GPHN: variants seen among roughly 807,000 people sequenced by gnomAD.
GPHN encodes gephyrin.
A neutral mutation model predicts 95.5 loss-of-function variants in GPHN; 17 were observed. The ratio of observed to expected loss-of-function variants is 0.18; its 90% confidence interval spans 0.12 to 0.27. GPHN has a LOEUF of 0.27. Ranked by LOEUF, GPHN falls within the 10% of genes least tolerant of loss-of-function variation. GPHN has a pLI of 1.00. For missense variants in GPHN, 660 were observed against 978.1 expected, an observed-to-expected ratio of 0.67 and a Z score of 4.34; for synonymous variants, 320 against 322.5, an observed-to-expected ratio of 0.99 and a Z score of 0.08.
the GPHN span, among the ~76,000 whole-genome samples, chr14:67,610,067 AG>A: frequency 6.6e-6 from 1 of 152,136 alleles, no homozygotes; most frequent in African/African-American, 2.4e-5. Context: ...GCTTCTCCCC[AG>A]GGCTGCCTCC....
At chr14:67,367,353 C>G in the GPHN span, among the ~76,000 whole-genome samples, 1 of 152,180 alleles carries the variant, frequency 6.6e-6, no homozygotes, top group Non-Finnish European at 1.5e-5. Flanking sequence ...GTCTCAGCCT[C>G]CAGAGTAGCT....
the GPHN span, chr14:67,292,789 A>C: frequency 8.5e-7 from 1 of 1,171,262 alleles, no homozygotes; most frequent in Non-Finnish European, 1.3e-6. Context: ...GGATTATTGG[A>C]AAATACTAAT....
the GPHN span, among the ~76,000 whole-genome samples, chr14:67,597,289 G>A: frequency 6.6e-6 from 1 of 152,184 alleles, no homozygotes; most frequent in Admixed American, 6.5e-5. Flanking sequence ...ACCAGCCTGG[G>A]CAACCTAGTG....
At chr14:66,616,543 G>A (rs2063044606) in intron 1 of GPHN, among the ~76,000 whole-genome samples, 1 of 151,974 alleles carries the variant, frequency 6.6e-6, no homozygotes, top group Admixed American at 6.5e-5. Context: ...CGTGCCTGGA[G>A]ATGTCACTCA....
intron 2 of GPHN, among the ~76,000 whole-genome samples, chr14:66,738,456 G>A (rs2072489362): frequency 6.6e-6 from 1 of 152,056 alleles, no homozygotes; most frequent in Non-Finnish European, 1.5e-5. Context: ...ATACCCATAA[G>A]TATTTTAGAC....
chr14:66,655,963 A>G (rs917931873), intron 1 of GPHN, among the ~76,000 whole-genome samples: 41 of 152,266 alleles, frequency 2.7e-4, no homozygotes, highest in Non-Finnish European at 1.9e-4. Flanking sequence ...GTCACGATAT[A>G]TAGTTCTTTT....
the GPHN span, among the ~76,000 whole-genome samples, chr14:67,598,469 T>C: frequency 2.6e-5 from 4 of 152,280 alleles, no homozygotes; most frequent in Admixed American, 2.0e-4. Flanking sequence ...CTTTGAGACT[T>C]TGGATAAGTC....
chr14:67,474,914 C>CTTTTTT, the GPHN span, among the ~76,000 whole-genome samples: 96 of 124,920 alleles, frequency 7.7e-4, no homozygotes, highest in African/African-American at 2.5e-3. Flanking sequence ...GAATTTCCTT[C>CTTTTTT]TTTTTTTTTT....
chr14:67,732,593 T>C, the GPHN span, among the ~76,000 whole-genome samples: 98 of 152,226 alleles, frequency 6.4e-4, no homozygotes, highest in Middle Eastern at 3.4e-3. Context: ...TTCTTTTTTT[T>C]GAGACGGAGT....
chr14:66,733,238 C>T (rs2071955174), intron 2 of GPHN, among the ~76,000 whole-genome samples: 1 of 151,936 alleles, frequency 6.6e-6, no homozygotes, highest in African/African-American at 2.4e-5. Flanking sequence ...GCCTGCCTCC[C>T]CCTCCACCAT....
the GPHN span, chr14:67,254,165 AGATTTTAAGTGTCTTTCTTTT>A: frequency 6.9e-6 from 1 of 145,124 alleles, no homozygotes; most frequent in Non-Finnish European, 1.5e-5. Context: ...TATCTATACT[AGATTTTAAGTGTCTTTCTTTT>A]TTTTTTTTTT....
chr14:67,308,526 C>G, the GPHN span, among the ~76,000 whole-genome samples: 1 of 149,850 alleles, frequency 6.7e-6, no homozygotes, highest in Non-Finnish European at 1.5e-5. Flanking sequence ...TCAGCACTCT[C>G]CAAATATTTT....
the GPHN span, chr14:67,569,062 T>C: frequency 9.7e-7 from 1 of 1,035,258 alleles, no homozygotes; most frequent in Non-Finnish European, 1.5e-6. Flanking sequence ...AAGCCATGCT[T>C]TTTCCTGCAC....
chr14:67,234,667 A>C, the GPHN span, among the ~76,000 whole-genome samples: 1 of 151,704 alleles, frequency 6.6e-6, no homozygotes, highest in Non-Finnish European at 1.5e-5. Context: ...CTCCTGCCTC[A>C]CCCTCCCTAG....
chr14:67,085,065 A>G (rs1332038013), intron 11 of GPHN, among the ~76,000 whole-genome samples: 1 of 152,246 alleles, frequency 6.6e-6, no homozygotes, highest in Non-Finnish European at 1.5e-5. Context: ...TAGCATTTAA[A>G]TAACTACATT....
At chr14:67,193,028 C>T in the GPHN span, among the ~76,000 whole-genome samples, 1 of 144,196 alleles carries the variant, frequency 6.9e-6, no homozygotes, top group Non-Finnish European at 1.5e-5. Context: ...ATAGATATAT[C>T]TCTATCAATA....
chr14:67,261,845 A>T, the GPHN span, among the ~76,000 whole-genome samples: 1 of 152,120 alleles, frequency 6.6e-6, no homozygotes, highest in Non-Finnish European at 1.5e-5. Flanking sequence ...GTCTGTTAGC[A>T]TATGTAACAG....
the GPHN span, among the ~76,000 whole-genome samples, chr14:67,604,002 G>A: frequency 6.8e-6 from 1 of 147,800 alleles, no homozygotes; most frequent in South Asian, 2.1e-4. Context: ...TTTTGTTTTT[G>A]TTTTTTTTTT....
At chr14:66,867,423 C>G (rs893169867) in intron 4 of GPHN, among the ~76,000 whole-genome samples, 1 of 152,108 alleles carries the variant, frequency 6.6e-6, no homozygotes. Context: ...CTCTTACTTC[C>G]GTTCTGCTCT....
Sources: gnomAD v4.1 joint callset for allele counts (sites outside exome capture counted in the v4.1 genomes callset) on GRCh38, gnomAD v4.1.1 for gene constraint, MANE v1.5 for transcripts, NCBI Gene and HGNC (gene_info 2026-07-23, HGNC 2026-07-21) for gene names.